Variants in PSD3 observed in about 807,000 individuals in gnomAD.
PSD3 encodes PH and SEC7 domain-containing protein 3.
In PSD3, 49 loss-of-function variants were observed where a neutral mutation model predicts 105.5. The ratio of observed to expected loss-of-function variants is 0.46; its 90% CI spans 0.37 to 0.59. PSD3 has a LOEUF of 0.59. Among genes scored for constraint, PSD3 ranks in the 20% least tolerant of loss-of-function variants. PSD3 has a pLI of 0.00. For synonymous variants in PSD3, 557 were observed against 457.8 expected (o/e 1.22, Z -2.77); for missense variants, 1,561 against 1,263.8 (o/e 1.24, Z -3.57).
intron 2 of PSD3, among the ~76,000 whole-genome samples, chr8:18,874,489 C>A (rs560865773): frequency 6.6e-6 from 1 of 152,022 alleles, no homozygotes; most frequent in Non-Finnish European, 1.5e-5. Context: ...TAAACTACTG[C>A]AGAGCTACAA....
chr8:18,542,438 C>T (rs1182581637), intron 15 of PSD3, among the ~76,000 whole-genome samples: 1 of 152,264 alleles, frequency 6.6e-6, no homozygotes, highest in South Asian at 2.1e-4. Context: ...ACGGAATCTG[C>T]TGTTGGTACT....
chr8:19,009,319 A>G (rs1353952770), intron 1 of PSD3, among the ~76,000 whole-genome samples: 2 of 152,230 alleles, frequency 1.3e-5, no homozygotes, highest in African/African-American at 4.8e-5. Context: ...TTTCTGCAAC[A>G]CGCAATGCTA....
chr8:18,965,820 G>A (rs940781604), intron 1 of PSD3, among the ~76,000 whole-genome samples: 28 of 152,150 alleles, frequency 1.8e-4, no homozygotes, highest in Admixed American at 3.9e-4. Context: ...ATTGTAATGC[G>A]AAAAGCAACA....
intron 9 of PSD3, among the ~76,000 whole-genome samples, chr8:18,724,688 G>A (rs1407755166): frequency 6.6e-6 from 1 of 152,080 alleles, no homozygotes; most frequent in Non-Finnish European, 1.5e-5. Flanking sequence ...GGGAAGTGTA[G>A]AGAGTTAATG....
At chr8:18,705,475 G>A (rs1320444585) in intron 9 of PSD3, among the ~76,000 whole-genome samples, 1 of 141,410 alleles carries the variant, frequency 7.1e-6, no homozygotes, top group Non-Finnish European at 1.5e-5. Context: ...AGGTTACAGT[G>A]AGCTGAGACC....
chr8:18,818,526 C>G (rs947095963), intron 4 of PSD3, among the ~76,000 whole-genome samples: 2 of 151,970 alleles, frequency 1.3e-5, no homozygotes, highest in African/African-American at 4.8e-5. Context: ...TATTTTAAGA[C>G]TGAAATCATG....
intron 4 of PSD3, among the ~76,000 whole-genome samples, chr8:18,821,841 CCA>C (rs1812751859): frequency 9.6e-6 from 1 of 103,878 alleles, no homozygotes; most frequent in Non-Finnish European, 1.8e-5. Context: ...AAGGGAATAC[CCA>C]CACACACATG....
chr8:18,549,855 A>T (rs1800660994), intron 15 of PSD3, among the ~76,000 whole-genome samples: 1 of 152,232 alleles, frequency 6.6e-6, no homozygotes, highest in Non-Finnish European at 1.5e-5. Context: ...AATCTAAAAC[A>T]AATTGCTGTT....
intron 4 of PSD3, among the ~76,000 whole-genome samples, chr8:18,839,565 C>T (rs990124875): frequency 1.3e-5 from 2 of 152,102 alleles, no homozygotes; most frequent in East Asian, 1.9e-4. Context: ...CAGAGGCGGC[C>T]TACTTTAAGG....
rs537769551 is a variant in PSD3, at chr8:18,910,198, T to C, written c.130+25836A>G. Among the ~76,000 whole-genome samples, 239 of 151,148 alleles carry C rather than the reference T, an allele frequency of 1.6e-3. 1 individual carries two copies. Among genetic ancestry groups the C allele is most frequent in the Non-Finnish European group, 3.4e-4 (23 of 67,822 alleles). On this transcript the variant is annotated intron_variant, in intron 2 of 15. Transcript: ENST00000327040. ...AAGACACATGCACACGTATGTTTAT[T>C]GCGGCACTATTCACAATAGCAAAGA...
intron 1 of PSD3, among the ~76,000 whole-genome samples, chr8:19,083,793 C>G (rs549002441): frequency 9.8e-5 from 15 of 152,288 alleles, no homozygotes; most frequent in Non-Finnish European, 1.6e-4. Flanking sequence ...TCATCTGAAA[C>G]TGGAGCTGTG....
chr8:19,011,754 T>C (rs1826959532), intron 1 of PSD3, among the ~76,000 whole-genome samples: 1 of 144,782 alleles, frequency 6.9e-6, no homozygotes, highest in Admixed American at 6.8e-5. Flanking sequence ...AAATCAAGCT[T>C]CTTATGCTCG....
At chr8:19,020,581 C>T (rs58252654) in intron 1 of PSD3, among the ~76,000 whole-genome samples, 31,511 of 151,664 alleles carry the variant, frequency 0.21, 3,412 homozygotes, top group Non-Finnish European at 0.23. Context: ...GTAGGATGAT[C>T]GACTTAGATT....
At chr8:18,910,645 A>G (rs1249885298) in intron 2 of PSD3, among the ~76,000 whole-genome samples, 1 of 148,644 alleles carries the variant, frequency 6.7e-6, no homozygotes, top group Non-Finnish European at 1.5e-5. Flanking sequence ...AATAAAAAAA[A>G]AAAAAAAAAA....
intron 9 of PSD3, chr8:18,720,919 T>G (rs551903677): frequency 3.9e-5 from 6 of 152,204 alleles, no homozygotes; most frequent in African/African-American, 1.4e-4. Context: ...AACCCCAGGA[T>G]CTGAGGGCAA....
At chr8:18,657,097 G>T (rs575295667) in intron 9 of PSD3, among the ~76,000 whole-genome samples, 5 of 152,294 alleles carry the variant, frequency 3.3e-5, no homozygotes, top group Admixed American at 2.6e-4. Flanking sequence ...GAAAAAAGGG[G>T]GATCACATGT....
chr8:18,545,786 C>T (rs17643473), intron 15 of PSD3, among the ~76,000 whole-genome samples: 15 of 152,144 alleles, frequency 9.9e-5, no homozygotes, highest in Admixed American at 5.2e-4. Flanking sequence ...GAAGCACATT[C>T]CCAGAGTTCT....
chr8:19,044,305 C>T (rs532826859), intron 1 of PSD3, among the ~76,000 whole-genome samples: 149 of 152,334 alleles, frequency 9.8e-4, no homozygotes, highest in African/African-American at 3.5e-3. Flanking sequence ...ACGCTATTTA[C>T]TAATGCCAGC....
At chr8:18,891,854 T>G (rs1025338913) in intron 2 of PSD3, among the ~76,000 whole-genome samples, 1 of 152,236 alleles carries the variant, frequency 6.6e-6, no homozygotes. Context: ...TCTCTTCTGG[T>G]ATCTTTTTGA....
Sources: allele counts gnomAD v4.1 joint callset (sites outside exome capture counted in the v4.1 genomes callset), GRCh38; gene constraint gnomAD v4.1.1; transcripts MANE v1.5; gene names NCBI Gene and HGNC (gene_info 2026-07-23, HGNC 2026-07-21).